The following PCDH17 variants were observed in gnomAD, a reference collection of about 807,000 sequenced individuals.
The protein encoded by PCDH17 is protocadherin-17.
Under a neutral mutation model 67.7 loss-of-function variants are expected in PCDH17, and 21 were observed. That is an observed-to-expected ratio of 0.31 (90% confidence interval 0.22 to 0.45). PCDH17 has a LOEUF of 0.45. Among genes scored for constraint, PCDH17 ranks in the 20% least tolerant of loss-of-function variants. PCDH17 has a pLI of 1.00. For synonymous variants in PCDH17, 701 were observed against 656.7 expected, an observed-to-expected ratio of 1.07 and a Z score of -1.03; for missense variants, 1,471 against 1,564.8, an observed-to-expected ratio of 0.94 and a Z score of 1.01.
At chr13:57,661,474 A>G (rs888928506) in intron 1 of PCDH17, among the ~76,000 whole-genome samples, 5 of 151,936 alleles carry the variant, frequency 3.3e-5, no homozygotes, top group Admixed American at 6.6e-5. Flanking sequence ...AATTTCATAA[A>G]CTCCAACTTT....
rs199751069 is a variant in PCDH17 at position 57,709,075 on chromosome 13, A to T, written c.2798-15537A>T. Among the ~76,000 whole-genome samples the T allele has an allele frequency of 7.3e-4, 110 of 150,334 alleles. No homozygotes were observed. In the East Asian group the frequency reaches 0.022, roughly 30 times the overall value. ...CATGTTTCATGTTAGGTAACAAAAA[A>T]ATAGAAGATGTTACAGAAATATATA... On this transcript the variant is annotated intron_variant, in intron 3 of 3. Transcript: ENST00000377918.
In PCDH17 at chr13:57,633,369, A is replaced by G; in HGVS notation, c.823A>G (p.Asn275Asp). 1 of 1,613,258 alleles carries G rather than the reference A, an allele frequency of 6.2e-7. No individual in the cohort carries two copies. Among genetic ancestry groups the G allele is most frequent in the Non-Finnish European group, 8.5e-7 (1 of 1,180,020 alleles). ...CGCCACCGACGCCGATGAAGGTCCC[A>G]ATGGTGAAGTGCTCTACTCTTTCAG... ...LNATDADEGPNGEVLYSFSSY... is the reference protein window; with the variant it reads ...LNATDADEGPDGEVLYSFSSY... Residue 275 changes from asparagine to aspartate, a missense_variant, in exon 1 of 4, where the codon AAT becomes GAT. Around this residue, in one of 3 missense-constraint regions of PCDH17, gnomAD observed 1,163 missense variants for 1,230.0 expected, o/e 0.95. Coordinates refer to ENST00000377918, the MANE Select transcript of PCDH17 (RefSeq NM_001040429.3). This position sits in a 1 kb window ranked among gnomAD's most constrained non-coding sequence, Gnocchi z 6.2.
intron 3 of PCDH17, among the ~76,000 whole-genome samples, chr13:57,707,583 C>T (rs1180458672): frequency 6.6e-6 from 1 of 152,042 alleles, no homozygotes; most frequent in Non-Finnish European, 1.5e-5. Context: ...CAGCACCTCA[C>T]TTCACAGTAG....
At chr13:57,709,831 A>G (rs1955759014) in intron 3 of PCDH17, 1 of 152,256 alleles carries the variant, frequency 6.6e-6, no homozygotes, top group Non-Finnish European at 1.5e-5. Context: ...TCATAAAACT[A>G]TACATTTGCA....
At chr13:57,705,665 C>T (rs749711125) in intron 3 of PCDH17, among the ~76,000 whole-genome samples, 5 of 151,940 alleles carry the variant, frequency 3.3e-5, no homozygotes, top group Admixed American at 6.6e-5. Context: ...TATACTATAC[C>T]TAGAAATCAA....
At chr13:57,712,714 G>A (rs953302215) in intron 3 of PCDH17, among the ~76,000 whole-genome samples, 10 of 151,300 alleles carry the variant, frequency 6.6e-5, no homozygotes, top group Non-Finnish European at 1.2e-4. Flanking sequence ...CTCAAATATA[G>A]CATGTTTGAA....
At chr13:57,722,217 CATT>C (rs776511886) in intron 3 of PCDH17, among the ~76,000 whole-genome samples, 86 of 152,236 alleles carry the variant, frequency 5.6e-4, no homozygotes, top group Non-Finnish European at 9.3e-4. Flanking sequence ...CATACGTCTG[CATT>C]ATTCTTTCTT....
At chr13:57,717,289 A>G (rs1190436135) in intron 3 of PCDH17, among the ~76,000 whole-genome samples, 1 of 151,930 alleles carries the variant, frequency 6.6e-6, no homozygotes, top group East Asian at 1.9e-4. Flanking sequence ...TAAATTCCCA[A>G]TGCATGGTTT....
chr13:57,664,964 C>T (rs1284900755), intron 1 of PCDH17, among the ~76,000 whole-genome samples: 1 of 152,076 alleles, frequency 6.6e-6, no homozygotes, highest in East Asian at 1.9e-4. Flanking sequence ...CTAGAAATTA[C>T]TACAATATAT....
intron 3 of PCDH17, among the ~76,000 whole-genome samples, chr13:57,716,249 A>T (rs1220620881): frequency 6.6e-6 from 1 of 152,056 alleles, no homozygotes; most frequent in Non-Finnish European, 1.5e-5. Context: ...TCTTTGAGAC[A>T]TATGATACAC....
chr13:57,686,223 G>A (rs1251734592), intron 3 of PCDH17, among the ~76,000 whole-genome samples: 1 of 151,868 alleles, frequency 6.6e-6, no homozygotes, highest in Non-Finnish European at 1.5e-5. Flanking sequence ...TGAGGTAGTT[G>A]GAACTTTCTG....
At chr13:57,645,681 A>G (rs1954956654) in intron 1 of PCDH17, among the ~76,000 whole-genome samples, 1 of 150,972 alleles carries the variant, frequency 6.6e-6, no homozygotes, top group South Asian at 2.1e-4. Context: ...TGTTTATATT[A>G]TATATAATTG....
intron 3 of PCDH17, among the ~76,000 whole-genome samples, chr13:57,709,488 C>T (rs1398920108): frequency 6.6e-6 from 1 of 151,664 alleles, no homozygotes; most frequent in African/African-American, 2.4e-5. Flanking sequence ...AATTTTCTTC[C>T]AATAAGACTA....
intron 3 of PCDH17, among the ~76,000 whole-genome samples, chr13:57,696,253 A>T (rs1047404148): frequency 3.3e-5 from 5 of 151,562 alleles, no homozygotes; most frequent in African/African-American, 1.2e-4. Flanking sequence ...TAACTAAGGT[A>T]CTGAGTATCT....
rs753565595 is a variant in PCDH17 at position 57,634,808 on chromosome 13, G to T, written c.2262G>T (p.Gly754=). The part of the protein sequence containing the change: ...IAEYSHPQLG[G]GKGKKKKINK... ...AGTACAGCCACCCGCAGCTGGGTGG[G>T]GGCAAGGGCAAGAAGAAGAAGATCA... The change falls in exon 1 of 4, where the codon GGG becomes GGT. Residue 754 remains glycine (G), a synonymous_variant. Transcript: ENST00000377918. The surrounding 1 kb of genome is among the most constrained non-coding windows in gnomAD (Gnocchi z 7.8). The T allele has an allele frequency of 1.2e-6, 2 of 1,614,046 alleles. No individual in the cohort carries two copies. The highest frequency in any genetic ancestry group is 1.7e-6 in the Non-Finnish European group (2 of 1,180,024).
intron 3 of PCDH17, among the ~76,000 whole-genome samples, chr13:57,709,174 G>A (rs186938001): frequency 1.3e-5 from 2 of 151,222 alleles, no homozygotes; most frequent in Admixed American, 6.6e-5. Flanking sequence ...CTGAGTAAAG[G>A]GCTAAATTAC....
Position 57,698,533 on chromosome 13 carries a change from C to T in PCDH17, c.2798-26079C>T, listed in dbSNP as rs541111785. On this transcript the variant is annotated intron_variant, in intron 3 of 3. Coordinates refer to ENST00000377918, the MANE Select transcript of PCDH17 (RefSeq NM_001040429.3). ...TTTTACAATATGGGCACTATTCCTGCTCATGTTACTGAAAGACACCAAATA... is the reference window on the plus strand; with the variant it reads ...TTTTACAATATGGGCACTATTCCTGTTCATGTTACTGAAAGACACCAAATA... 3.3e-5 allele frequency among the ~76,000 whole-genome samples: 5 copies of T among 152,004 alleles called. No homozygotes were observed. In the South Asian group the frequency reaches 6.2e-4, roughly 19 times the overall value.
chr13:57,677,688 A>C, intron 3 of PCDH17, among the ~76,000 whole-genome samples: 1 of 151,844 alleles, frequency 6.6e-6, no homozygotes, highest in East Asian at 1.9e-4. Flanking sequence ...AACACAATGA[A>C]GTTCAAGAAA....
At chr13:57,652,284 CAA>C (rs11435613) in intron 1 of PCDH17, among the ~76,000 whole-genome samples, 8 of 117,222 alleles carry the variant, frequency 6.8e-5, no homozygotes, top group Non-Finnish European at 8.5e-5. Context: ...GACTCCGTCT[CAA>C]AAAAAAAAAA....
Sources: allele counts gnomAD v4.1 joint callset (sites outside exome capture counted in the v4.1 genomes callset), GRCh38; gene constraint gnomAD v4.1.1; regional missense constraint gnomAD v4.1.1; non-coding constraint Gnocchi (gnomAD v3.1); transcripts MANE v1.5; gene names NCBI Gene and HGNC (gene_info 2026-07-23, HGNC 2026-07-21).